The following SPATS2 variants were observed in gnomAD, a reference collection of about 807,000 sequenced individuals.
SPATS2 encodes the protein spermatogenesis associated serine rich 2.
A neutral mutation model predicts 63.7 loss-of-function variants in SPATS2; 38 were observed. That is an observed-to-expected ratio of 0.60 (90% CI 0.46 to 0.78). The LOEUF (loss-of-function observed/expected upper bound fraction) is 0.78. SPATS2 is among the 30% of genes least tolerant of loss of function. The pLI is 0.00. For missense variants in SPATS2, 588 were observed against 666.2 expected, an observed-to-expected ratio of 0.88 and a Z score of 1.29; for synonymous variants, 207 against 232.9, an observed-to-expected ratio of 0.89 and a Z score of 1.01.
At chr12:49,436,205 C>A (rs1945282167) in intron 2 of SPATS2, among the ~76,000 whole-genome samples, 1 of 151,496 alleles carries the variant, frequency 6.6e-6, no homozygotes, top group Non-Finnish European at 1.5e-5. Flanking sequence ...CTCCTCACTT[C>A]CCAGTAGGGG....
chr12:49,494,730 A>G lies in SPATS2; in HGVS notation c.265-11A>G, dbSNP rs771928316. 1 of 1,493,464 alleles carries G rather than the reference A, an allele frequency of 6.7e-7. No homozygotes were observed. Among genetic ancestry groups the G allele is most frequent in the East Asian group, 2.5e-5 (1 of 40,214 alleles). 92.5% of individuals were successfully genotyped at this position (1,493,464 alleles called of 1,614,324 possible). A position where few individuals can be genotyped will look rare whatever the true frequency, so the allele number is the denominator to read the frequency against. On this transcript the variant is annotated splice_polypyrimidine_tract_variant and intron_variant, in intron 6 of 13. Transcript: ENST00000552918. ...CTTTTCTTTTCTTTTTCAAATTTTT[A>G]ATAACTTTAGAACAAAAAGAAGAAA...
At chr12:49,486,962 A>T (rs372089488) in intron 4 of SPATS2, among the ~76,000 whole-genome samples, 213 of 152,168 alleles carry the variant, frequency 1.4e-3, no homozygotes, top group African/African-American at 4.9e-3. Context: ...ATCTTTTCTC[A>T]TCTTATTTTA....
chr12:49,520,490 G>A (rs542339180), intron 11 of SPATS2, among the ~76,000 whole-genome samples: 20 of 152,172 alleles, frequency 1.3e-4, no homozygotes, highest in African/African-American at 2.9e-4. Context: ...GTTTCAGAGC[G>A]TAGTTATGAC....
intron 2 of SPATS2, among the ~76,000 whole-genome samples, chr12:49,374,587 A>G (rs1944059609): frequency 6.6e-6 from 1 of 152,200 alleles, no homozygotes; most frequent in East Asian, 1.9e-4. Flanking sequence ...CCCTTGAAAC[A>G]TTCTGCAGGG....
At chr12:49,405,624 G>A (rs1944679973) in intron 2 of SPATS2, among the ~76,000 whole-genome samples, 1 of 152,086 alleles carries the variant, frequency 6.6e-6, no homozygotes, top group African/African-American at 2.4e-5. Context: ...ACTTGAACCC[G>A]GGAGGTAGAG....
At chr12:49,419,215 A>G (rs1481890855) in intron 2 of SPATS2, among the ~76,000 whole-genome samples, 1 of 152,252 alleles carries the variant, frequency 6.6e-6, no homozygotes, top group African/African-American at 2.4e-5. Context: ...GATATGCTGC[A>G]TGCATTATGC....
rs1565760867 is a variant in SPATS2 at position 49,516,183 on chromosome 12, AT to A, written c.898+1571del. On this transcript the variant is annotated intron_variant, in intron 10 of 13. Coordinates refer to ENST00000552918, the MANE Select transcript of SPATS2 (RefSeq NM_023071.4). Reference sequence around the variant, plus strand: ...AAAAAAAAAATATATATATATATATATATATATATATATATATATATATATA... The same window carrying A: ...AAAAAAAAAATATATATATATATATAATATATATATATATATATATATATA... 1.8e-4 allele frequency among the ~76,000 whole-genome samples: 17 copies of A among 94,582 alleles called. 1 individual carries two copies. Among genetic ancestry groups the A allele is most frequent in the African/African-American group, 4.7e-4 (13 of 27,412 alleles). The allele number at this position is 94,582 out of a possible 152,430, so 62.0% of individuals were successfully genotyped here.
intron 2 of SPATS2, among the ~76,000 whole-genome samples, chr12:49,417,248 G>T (rs1417128369): frequency 6.6e-6 from 1 of 152,190 alleles, no homozygotes; most frequent in East Asian, 1.9e-4. Flanking sequence ...TTACCATTTA[G>T]GGATTAGCTT....
intron 3 of SPATS2, among the ~76,000 whole-genome samples, chr12:49,484,160 C>T (rs1946251333): frequency 6.6e-6 from 1 of 152,140 alleles, no homozygotes; most frequent in Non-Finnish European, 1.5e-5. Context: ...ACAAACATAA[C>T]ATGTATGGTT....
chr12:49,477,266 A>G (rs1171004908), intron 3 of SPATS2, among the ~76,000 whole-genome samples: 2 of 152,196 alleles, frequency 1.3e-5, no homozygotes, highest in Non-Finnish European at 2.9e-5. Flanking sequence ...CTACCTGGAA[A>G]ATTCAGAACT....
chr12:49,395,705 C>T lies in SPATS2; in HGVS notation c.-244+24415C>T, dbSNP rs12305870. 1.2e-3 allele frequency among the ~76,000 whole-genome samples: 188 copies of T among 152,026 alleles called. 1 individual carries two copies. Among genetic ancestry groups the T allele is most frequent in the African/African-American group, 4.1e-3 (169 of 41,486 alleles). ...CCTCCCAAAGTGCTGGGATTACAGG[C>T]ATGAGCCACTGTGCCCGACCCAGAT... On this transcript the variant is annotated intron_variant, in intron 2 of 13. Transcript: ENST00000552918.
intron 3 of SPATS2, among the ~76,000 whole-genome samples, chr12:49,476,211 G>C (rs1274041024): frequency 6.6e-6 from 1 of 152,114 alleles, no homozygotes; most frequent in African/African-American, 2.4e-5. Flanking sequence ...ACACACAGGC[G>C]GCTGGAGGTA....
chr12:49,519,351 T>C (rs1946900431), intron 11 of SPATS2, among the ~76,000 whole-genome samples, 169 bp downstream of exon 11: 1 of 152,222 alleles, frequency 6.6e-6, no homozygotes, highest in Admixed American at 6.5e-5. Flanking sequence ...ATCTACCCAG[T>C]TGTCCCAGCT....
chr12:49,524,616 A>G, intron 12 of SPATS2, 66 bp from the exon 13 acceptor site: 1 of 1,508,442 alleles, frequency 6.6e-7, no homozygotes, highest in South Asian at 1.2e-5. Context: ...AAATTGAGAA[A>G]GTAGAAACCT....
intron 2 of SPATS2, among the ~76,000 whole-genome samples, chr12:49,399,773 C>A (rs1363340627): frequency 2.6e-5 from 4 of 152,062 alleles, no homozygotes; most frequent in Non-Finnish European, 5.9e-5. Context: ...CGCGGTGGCT[C>A]ATGCCTGTAA....
At chr12:49,367,077 AC>A (rs1943908821), upstream of SPATS2, 1 of 151,630 alleles carries the variant, frequency 6.6e-6, no homozygotes, top group African/African-American at 2.4e-5. Flanking sequence ...GACGCGAGGG[AC>A]CGGGCCCCGA....
intron 2 of SPATS2, among the ~76,000 whole-genome samples, chr12:49,398,495 T>C (rs1376755864): frequency 6.6e-6 from 1 of 152,040 alleles, no homozygotes; most frequent in African/African-American, 2.4e-5. Flanking sequence ...TAGGCGGGAT[T>C]GTATTGGATG....
chr12:49,373,825 A>G (rs1443827695), intron 2 of SPATS2, among the ~76,000 whole-genome samples: 3 of 152,118 alleles, frequency 2.0e-5, no homozygotes, highest in Non-Finnish European at 2.9e-5. Flanking sequence ...CTCGGGAGGC[A>G]GAAGAATTGC....
intron 3 of SPATS2, among the ~76,000 whole-genome samples, chr12:49,475,184 A>T (rs1388256717): frequency 6.6e-6 from 1 of 152,236 alleles, no homozygotes; most frequent in African/African-American, 2.4e-5. Flanking sequence ...TGAGTCTGAC[A>T]ATATGATGTT....
Sources: gnomAD v4.1 joint callset for allele counts (sites outside exome capture counted in the v4.1 genomes callset) on GRCh38, gnomAD v4.1.1 for gene constraint, MANE v1.5 for transcripts, NCBI Gene and HGNC (gene_info 2026-07-23, HGNC 2026-07-21) for gene names.